NOSTRIN: variants seen among roughly 807,000 people sequenced by gnomAD.
NOSTRIN encodes the protein BM247 homolog.
Under a neutral mutation model 59.0 loss-of-function variants are expected in NOSTRIN, and 63 were observed. The observed-to-expected ratio is 1.07, with a 90% CI of 0.87 to 1.32. The LOEUF (loss-of-function observed/expected upper bound fraction) is 1.32, where lower values mean the gene tolerates loss of function less well. Ranked by LOEUF, NOSTRIN falls within the 40% of genes most tolerant of loss-of-function variation. The probability of loss-of-function intolerance (pLI) is 0.00; values close to 1 mark genes in which losing one functional copy is unlikely to be tolerated. For missense variants in NOSTRIN, 512 were observed against 473.1 expected, an observed-to-expected ratio of 1.08 and a Z score of -0.76; for synonymous variants, 200 against 165.4, an observed-to-expected ratio of 1.21 and a Z score of -1.61.
intron 2 of NOSTRIN, 154 bp downstream of exon 2, chr2:168,811,806 G>A: frequency 4.3e-6 from 2 of 468,758 alleles, no homozygotes; most frequent in Non-Finnish European, 3.8e-6. Flanking sequence ...CTCCCCTATT[G>A]CACATTTATC....
Position 168,865,209 on chromosome 2 carries a change from G to C in NOSTRIN, c.*239G>C. ...TTCCTAGAGGAGTTTCCAAATTCTA[G>C]GAGACCCTAGAGATGATCCAGTATA... On this transcript the variant is annotated 3_prime_UTR_variant, in exon 16 of 16. Transcript: ENST00000317647. The C allele has an allele frequency of 2.0e-6, 1 of 489,354 alleles. No homozygotes were observed. The highest frequency in any genetic ancestry group is 3.6e-6 in the Non-Finnish European group (1 of 274,612). The allele number at this position is 489,354 out of a possible 1,614,324, so 30.3% of individuals were successfully genotyped here.
intron 2 of NOSTRIN, among the ~76,000 whole-genome samples, chr2:168,791,247 G>T (rs1685344654): frequency 6.6e-6 from 1 of 152,084 alleles, no homozygotes; most frequent in Non-Finnish European, 1.5e-5. Flanking sequence ...GCGGTGTTTG[G>T]TTTTTTGTCC....
intron 1 of NOSTRIN, among the ~76,000 whole-genome samples, chr2:168,808,983 GTGTA>G (rs1686005514): frequency 6.6e-6 from 1 of 152,156 alleles, no homozygotes; most frequent in Non-Finnish European, 1.5e-5. Context: ...AGTACATAAT[GTGTA>G]TTATTATTTT....
At chr2:168,816,696 T>C (rs1419181442) in intron 2 of NOSTRIN, among the ~76,000 whole-genome samples, 1 of 152,234 alleles carries the variant, frequency 6.6e-6, no homozygotes, top group Non-Finnish European at 1.5e-5. Context: ...AATTAGTGCT[T>C]GCATCTGTTG....
intron 15 of NOSTRIN, chr2:168,863,311 T>C (rs1164743059): frequency 2.9e-6 from 2 of 694,160 alleles, no homozygotes; most frequent in Non-Finnish European, 3.5e-6. Flanking sequence ...CCTTTAAGAA[T>C]AGTGATTTAT....
intron 2 of NOSTRIN, among the ~76,000 whole-genome samples, chr2:168,790,925 G>T (rs16855886): frequency 0.066 from 10,013 of 152,218 alleles, 745 homozygotes; most frequent in East Asian, 0.41. Flanking sequence ...AAAAATCCTT[G>T]TAACGAACTT....
At chr2:168,829,793 T>C (rs375905098) in intron 5 of NOSTRIN, among the ~76,000 whole-genome samples, 52 of 152,214 alleles carry the variant, frequency 3.4e-4, no homozygotes, top group South Asian at 1.4e-3. Flanking sequence ...GCAGGTAAGA[T>C]GTTTGTAAGC....
intron 3 of NOSTRIN, among the ~76,000 whole-genome samples, chr2:168,826,215 G>A (rs1356048397): frequency 3.0e-5 from 2 of 67,790 alleles, no homozygotes; most frequent in South Asian, 6.2e-4. Context: ...TGCCTCCTAA[G>A]GAATGAGGGG....
intron 2 of NOSTRIN, among the ~76,000 whole-genome samples, chr2:168,790,861 A>G (rs1685327952): frequency 6.6e-6 from 1 of 152,208 alleles, no homozygotes; most frequent in South Asian, 2.1e-4. Flanking sequence ...TGCACACTAA[A>G]ATATTAGAAG....
In NOSTRIN at chr2:168,852,111, T is replaced by C. The variant is rs369756784; in HGVS notation, c.855+707T>C. Among the ~76,000 whole-genome samples, 5 of 152,302 alleles carry C rather than the reference T, an allele frequency of 3.3e-5. No individual in the cohort carries two copies. In the South Asian group the frequency reaches 6.2e-4, roughly 19 times the overall value. ...GAAATTATAATCTCTTGTAAGCTAA[T>C]CTCAGAAGTGACATCTCATCATATT... On this transcript the variant is annotated intron_variant, in intron 10 of 15. Coordinates refer to ENST00000317647, the MANE Select transcript of NOSTRIN (RefSeq NM_001039724.4).
upstream of NOSTRIN, among the ~76,000 whole-genome samples, chr2:168,799,415 C>A (rs1358618401): frequency 6.6e-6 from 1 of 152,182 alleles, no homozygotes; most frequent in Non-Finnish European, 1.5e-5. Context: ...CCCCTTGGGC[C>A]ATTTTTGGGG....
At chr2:168,794,978 T>C (rs1282437773), upstream of NOSTRIN, among the ~76,000 whole-genome samples, 3 of 152,128 alleles carry the variant, frequency 2.0e-5, no homozygotes, top group Non-Finnish European at 2.9e-5. Context: ...AGAGTAAAGC[T>C]CTATCACTTC....
intron 13 of NOSTRIN, 126 bp from the exon 14 acceptor site, chr2:168,860,669 T>TAA (rs71003061): frequency 0.019 from 10,245 of 547,656 alleles, 2 homozygotes; most frequent in South Asian, 0.032. Context: ...AGACTCTGTC[T>TAA]AAAAAAAAAA....
intron 2 of NOSTRIN, among the ~76,000 whole-genome samples, chr2:168,822,884 T>C (rs997278471): frequency 6.6e-6 from 1 of 152,210 alleles, no homozygotes; most frequent in Non-Finnish European, 1.5e-5. Flanking sequence ...CATTAGAAAG[T>C]TCTGCTTGGT....
intron 12 of NOSTRIN, among the ~76,000 whole-genome samples, chr2:168,857,117 A>G (rs1258224128): frequency 1.3e-5 from 2 of 152,240 alleles, no homozygotes; most frequent in African/African-American, 2.4e-5. Flanking sequence ...AAAGGCCTGT[A>G]TTTAGATTTA....
intron 7 of NOSTRIN, among the ~76,000 whole-genome samples, 176 bp downstream of exon 7, chr2:168,834,501 G>GCGCGCA (rs1553527039): frequency 4.5e-5 from 5 of 110,682 alleles, no homozygotes; most frequent in African/African-American, 1.6e-4. Context: ...GCGCGCGCGC[G>GCGCGCA]CGCGCGCACA....
intron 7 of NOSTRIN, among the ~76,000 whole-genome samples, chr2:168,836,838 A>G (rs918507932): frequency 1.3e-5 from 2 of 151,984 alleles, no homozygotes; most frequent in Non-Finnish European, 2.9e-5. Context: ...CATATTTCCC[A>G]TATCTTGGAC....
chr2:168,816,494 TCACCAC>T (rs1212881533), intron 2 of NOSTRIN, among the ~76,000 whole-genome samples: 1 of 151,974 alleles, frequency 6.6e-6, no homozygotes, highest in African/African-American at 2.4e-5. Context: ...CACTCCTGCA[TCACCAC>T]CACCACCACC....
chr2:168,851,436 TA>T (rs749709026), intron 10 of NOSTRIN, 32 bp downstream of exon 10: 1 of 1,581,982 alleles, frequency 6.3e-7, no homozygotes, highest in Non-Finnish European at 8.6e-7. Context: ...AAAGTTACAT[TA>T]ATGGAGAATC....
Sources: allele counts gnomAD v4.1 joint callset (sites outside exome capture counted in the v4.1 genomes callset), GRCh38; gene constraint gnomAD v4.1.1; transcripts MANE v1.5; gene names NCBI Gene and HGNC (gene_info 2026-07-23, HGNC 2026-07-21).